TRPM6: variants seen among roughly 807,000 people sequenced by gnomAD.
The protein encoded by TRPM6 is channel kinase 2.
A neutral mutation model predicts 247.6 loss-of-function variants in TRPM6; 111 were observed. The observed-to-expected ratio is 0.45, with a 90% CI of 0.38 to 0.52. The LOEUF is 0.52. Ranked by LOEUF, TRPM6 falls within the 20% of genes least tolerant of loss-of-function variation. The pLI, the probability that TRPM6 is intolerant of heterozygous loss-of-function variation, is 0.00. For synonymous variants in TRPM6, 892 were observed against 853.8 expected, an observed-to-expected ratio of 1.04 and a Z score of -0.78; for missense variants, 2,126 against 2,421.5, an observed-to-expected ratio of 0.88 and a Z score of 2.56.
chr9:74,825,361 T>A (rs991378638), intron 7 of TRPM6, among the ~76,000 whole-genome samples: 3 of 152,100 alleles, frequency 2.0e-5, no homozygotes, highest in Non-Finnish European at 2.9e-5. Context: ...CAAATACAAA[T>A]ATGGTAGCCA....
intron 33 of TRPM6, among the ~76,000 whole-genome samples, chr9:74,742,197 C>A (rs1361616259): frequency 6.6e-6 from 1 of 152,170 alleles, no homozygotes; most frequent in East Asian, 1.9e-4. Flanking sequence ...CTTCAGATGC[C>A]TGTTGGCTTT....
At chr9:74,781,619 A>C (rs1035676120) in intron 23 of TRPM6, among the ~76,000 whole-genome samples, 6 of 151,826 alleles carry the variant, frequency 4.0e-5, no homozygotes, top group Non-Finnish European at 7.4e-5. Flanking sequence ...GAGGAGAGGA[A>C]AGGAGAGGAA....
At chr9:74,803,705 G>A in intron 15 of TRPM6, 89 bp downstream of exon 15, 2 of 930,338 alleles carry the variant, frequency 2.1e-6, no homozygotes, top group Non-Finnish European at 3.6e-6. Context: ...CCCTCTATTT[G>A]CACCTCCCTT....
At position 74,724,210 on chromosome 9, in the gene TRPM6, G is replaced by T. The variant is rs1361618967; in HGVS notation, c.*403C>A. ...GACATAAATACAATCTGTGGGTGAG[G>T]TGACAAATAGTAGTAGGGGGTCCAG... On this transcript the variant is annotated 3_prime_UTR_variant, in exon 39 of 39. Coordinates refer to ENST00000360774, the MANE Select transcript of TRPM6 (RefSeq NM_017662.5). 1 of 257,646 alleles carries T rather than the reference G, an allele frequency of 3.9e-6. No homozygotes were observed. Among genetic ancestry groups the T allele is most frequent in the African/African-American group, 2.2e-5 (1 of 45,238 alleles). 16.0% of individuals were successfully genotyped at this position (257,646 alleles called of 1,614,324 possible).
chr9:74,763,637 TAAAA>T (rs201643380), intron 25 of TRPM6, among the ~76,000 whole-genome samples: 1 of 150,128 alleles, frequency 6.7e-6, no homozygotes, highest in African/African-American at 2.4e-5. Flanking sequence ...TCTTTAAAAT[TAAAA>T]AAAAAATCTC....
intron 6 of TRPM6, among the ~76,000 whole-genome samples, chr9:74,832,156 G>A (rs73534382): frequency 0.013 from 2,035 of 152,146 alleles, 55 homozygotes; most frequent in African/African-American, 0.047. Context: ...AAGAAGCAAA[G>A]AAACATGCTA....
chr9:74,872,570 A>T (rs1009132184), intron 1 of TRPM6, among the ~76,000 whole-genome samples: 1 of 151,606 alleles, frequency 6.6e-6, no homozygotes, highest in African/African-American at 2.4e-5. Flanking sequence ...AGCTGGGACC[A>T]CAGGTGCACA....
chr9:74,779,900 G>T (rs61085642), intron 23 of TRPM6, among the ~76,000 whole-genome samples: 1 of 152,194 alleles, frequency 6.6e-6, no homozygotes, highest in Non-Finnish European at 1.5e-5. Flanking sequence ...ACGGCTGGGC[G>T]CAGTGGCTCA....
At chr9:74,854,068 A>G (rs1014884027) in intron 3 of TRPM6, among the ~76,000 whole-genome samples, 9 of 152,320 alleles carry the variant, frequency 5.9e-5, no homozygotes, top group African/African-American at 1.9e-4. Flanking sequence ...AAAGCCATAG[A>G]TGGATGGAAA....
chr9:74,872,704 A>C (rs962549471), intron 1 of TRPM6, among the ~76,000 whole-genome samples: 2 of 151,994 alleles, frequency 1.3e-5, no homozygotes, highest in East Asian at 3.9e-4. Context: ...TCCTGACCTC[A>C]AGTGATCTGC....
chr9:74,799,967 G>T, intron 17 of TRPM6: 1 of 444,918 alleles, frequency 2.2e-6, no homozygotes. Context: ...TGATCTGGCT[G>T]GCTAGGCAGG....
At chr9:74,728,641 G>A (rs913226615) in intron 37 of TRPM6, among the ~76,000 whole-genome samples, 4 of 152,144 alleles carry the variant, frequency 2.6e-5, no homozygotes, top group Non-Finnish European at 4.4e-5. Context: ...AAAATACAGC[G>A]AAATCCTTTT....
intron 1 of TRPM6, among the ~76,000 whole-genome samples, chr9:74,880,391 G>A (rs1831324511): frequency 1.3e-5 from 2 of 152,098 alleles, no homozygotes; most frequent in African/African-American, 4.8e-5. Flanking sequence ...CTTTTCCAGA[G>A]CACATTATAG....
chr9:74,777,727 G>A (rs1021314387), intron 23 of TRPM6, among the ~76,000 whole-genome samples: 1 of 152,158 alleles, frequency 6.6e-6, no homozygotes, highest in Non-Finnish European at 1.5e-5. Context: ...AGGTCTCACT[G>A]TGGCACCTTC....
chr9:74,816,894 T>A lies in TRPM6; in HGVS notation c.1205A>T (p.Lys402Met). ...LDLAILTALLKGTNLSASEQL... is the reference protein window; with the variant it reads ...LDLAILTALLMGTNLSASEQL... ...TGCAACCCCATCCAGATACTCACCC[T>A]TCAGCAAAGCTGTTAGGATTGCTAA... The change falls in exon 10 of 39, where the codon AAG becomes ATG. Residue 402 changes from lysine (K) to methionine (M), a missense_variant and splice_region_variant. By Grantham distance (95) the Lys-to-Met change is moderately conservative. This residue lies in a region of TRPM6 where 1,082 missense variants were observed against 1,307.9 expected (regional missense o/e 0.83). Coordinates refer to ENST00000360774, the MANE Select transcript of TRPM6 (RefSeq NM_017662.5). 1 of 1,614,054 alleles carries A rather than the reference T, an allele frequency of 6.2e-7. No homozygotes were observed. Among genetic ancestry groups the A allele is most frequent in the Non-Finnish European group, 8.5e-7 (1 of 1,179,906 alleles).
At chr9:74,837,250 G>A (rs1414038721) in intron 5 of TRPM6, among the ~76,000 whole-genome samples, 6 of 152,310 alleles carry the variant, frequency 3.9e-5, no homozygotes, top group South Asian at 2.1e-4. Flanking sequence ...AAATTTAAAC[G>A]TGCACGGGAA....
chr9:74,780,589 AT>A (rs1210577934), intron 23 of TRPM6, among the ~76,000 whole-genome samples: 1 of 152,238 alleles, frequency 6.6e-6, no homozygotes, highest in Admixed American at 6.5e-5. Context: ...ATATCCTCTG[AT>A]GTCTGCTTTT....
In TRPM6 at chr9:74,843,671, C is replaced by T. The variant is rs140221051; in HGVS notation, c.153-1328G>A. On this transcript the variant is annotated intron_variant, in intron 3 of 38. Coordinates refer to ENST00000360774, the MANE Select transcript of TRPM6 (RefSeq NM_017662.5). ...AAAAATACAAAAAAAAAAAATTAGC[C>T]GGGCATGGTGGCAGGCGCCTGTAAT... Among the ~76,000 whole-genome samples the T allele has an allele frequency of 9.7e-3, 1,466 of 151,718 alleles. 20 individuals are homozygous for T. Among genetic ancestry groups the T allele is most frequent in the African/African-American group, 0.033 (1,359 of 41,304 alleles).
chr9:74,786,866 G>A (rs765703865), intron 20 of TRPM6, among the ~76,000 whole-genome samples: 2 of 152,146 alleles, frequency 1.3e-5, no homozygotes, highest in Non-Finnish European at 2.9e-5. Flanking sequence ...AATCCAGTCC[G>A]ACTACTGCTA....
Sources: allele counts gnomAD v4.1 joint callset (sites outside exome capture counted in the v4.1 genomes callset), GRCh38; gene constraint gnomAD v4.1.1; regional missense constraint gnomAD v4.1.1; transcripts MANE v1.5; gene names NCBI Gene and HGNC (gene_info 2026-07-23, HGNC 2026-07-21).